Variants in ROBO2 observed in about 807,000 individuals in gnomAD.
The protein encoded by ROBO2 is roundabout homolog 2.
A neutral mutation model predicts 160.8 loss-of-function variants in ROBO2; 53 were observed. That is an observed-to-expected ratio of 0.33 (90% confidence interval 0.26 to 0.41). The LOEUF is 0.41. Ranked by LOEUF, ROBO2 falls within the 10% of genes least tolerant of loss-of-function variation. The probability of loss-of-function intolerance (pLI) is 1.00; values close to 1 mark genes in which losing one functional copy is unlikely to be tolerated. For missense variants in ROBO2, 1,577 were observed against 1,722.4 expected, an observed-to-expected ratio of 0.92 and a Z score of 1.49; for synonymous variants, 664 against 611.7, an observed-to-expected ratio of 1.09 and a Z score of -1.26.
chr3:76,195,947 A>G (rs150205017), intron 2 of ROBO2, among the ~76,000 whole-genome samples: 260 of 152,254 alleles, frequency 1.7e-3, no homozygotes, highest in African/African-American at 6.2e-3. Context: ...GGACTTCATG[A>G]TGGGGACCTA....
chr3:77,150,373 A>C (rs1443001802), intron 2 of ROBO2, among the ~76,000 whole-genome samples: 3 of 152,224 alleles, frequency 2.0e-5, no homozygotes, highest in Non-Finnish European at 2.9e-5. Context: ...ACAAAAGAAA[A>C]ATTCTTTATA....
intron 2 of ROBO2, among the ~76,000 whole-genome samples, chr3:76,405,618 A>T (rs982170704): frequency 6.6e-6 from 1 of 151,720 alleles, no homozygotes; most frequent in African/African-American, 2.4e-5. Flanking sequence ...ACTTATAGGT[A>T]TCCAAAATTA....
intron 2 of ROBO2, among the ~76,000 whole-genome samples, chr3:76,915,805 C>T (rs1387341448): frequency 1.3e-5 from 2 of 151,982 alleles, no homozygotes; most frequent in East Asian, 3.9e-4. Flanking sequence ...ACAAAAATAT[C>T]ACAAACCAGG....
intron 2 of ROBO2, among the ~76,000 whole-genome samples, chr3:77,382,453 T>A (rs1167082657): frequency 6.6e-6 from 1 of 152,080 alleles, no homozygotes; most frequent in Non-Finnish European, 1.5e-5. Flanking sequence ...GTACAAGTTG[T>A]TTTTGGTTAA....
chr3:76,252,490 A>G (rs998982489), intron 2 of ROBO2, among the ~76,000 whole-genome samples: 16 of 152,174 alleles, frequency 1.1e-4, no homozygotes, highest in Non-Finnish European at 2.2e-4. Context: ...TAGTTGATCA[A>G]TGCTAGTTGC....
chr3:76,369,551 T>C (rs543209987), intron 2 of ROBO2, among the ~76,000 whole-genome samples: 16 of 152,088 alleles, frequency 1.1e-4, no homozygotes, highest in African/African-American at 3.9e-4. Flanking sequence ...AAATGCCAGC[T>C]ATATATCTCT....
At chr3:76,011,288 G>A (rs1462224680) in intron 2 of ROBO2, among the ~76,000 whole-genome samples, 1 of 152,098 alleles carries the variant, frequency 6.6e-6, no homozygotes, top group African/African-American at 2.4e-5. Flanking sequence ...TAACAACCCC[G>A]CCATTGTTGA....
At chr3:77,031,038 T>C (rs1292979364) in intron 2 of ROBO2, among the ~76,000 whole-genome samples, 1 of 152,202 alleles carries the variant, frequency 6.6e-6, no homozygotes, top group Non-Finnish European at 1.5e-5. Flanking sequence ...TAGGTACAGC[T>C]GGTAACAAAT....
At chr3:76,044,844 A>T (rs28550059) in intron 2 of ROBO2, among the ~76,000 whole-genome samples, 20,829 of 151,912 alleles carry the variant, frequency 0.14, 1,616 homozygotes, top group African/African-American at 0.15. Context: ...GTCTCTGAGG[A>T]AACTGCATTT....
At chr3:77,226,752 G>A (rs914226342) in intron 2 of ROBO2, among the ~76,000 whole-genome samples, 1 of 151,930 alleles carries the variant, frequency 6.6e-6, no homozygotes, top group Non-Finnish European at 1.5e-5. Context: ...CCTGCAGTTG[G>A]GCAAAATCAT....
chr3:76,683,952 T>C (rs1354652054), intron 2 of ROBO2, among the ~76,000 whole-genome samples: 2 of 152,106 alleles, frequency 1.3e-5, no homozygotes, highest in African/African-American at 4.8e-5. Context: ...TAAATTTTAT[T>C]AAATTTCAGT....
chr3:75,954,333 C>G (rs571988147), intron 2 of ROBO2, among the ~76,000 whole-genome samples: 5 of 151,936 alleles, frequency 3.3e-5, no homozygotes, highest in Non-Finnish European at 7.4e-5. Context: ...TACCTCCAGC[C>G]AAGGGTGGGA....
chr3:76,861,271 GA>G (rs2070750435), intron 2 of ROBO2, among the ~76,000 whole-genome samples: 1 of 152,150 alleles, frequency 6.6e-6, no homozygotes, highest in African/African-American at 2.4e-5. Context: ...CCTTTGAAAT[GA>G]AAATAATAGT....
intron 2 of ROBO2, among the ~76,000 whole-genome samples, chr3:77,388,073 T>C (rs1240909759): frequency 6.6e-6 from 1 of 152,088 alleles, no homozygotes; most frequent in African/African-American, 2.4e-5. Flanking sequence ...CAGATATTTG[T>C]AGCAAATTTA....
At chr3:77,346,870 T>TAGAAA in intron 2 of ROBO2, among the ~76,000 whole-genome samples, 1 of 152,318 alleles carries the variant, frequency 6.6e-6, no homozygotes, top group South Asian at 2.1e-4. Flanking sequence ...CCTTTCTCCC[T>TAGAAA]TCTGGCAGAG....
intron 2 of ROBO2, among the ~76,000 whole-genome samples, chr3:76,797,110 G>A (rs542357002): frequency 1.3e-5 from 2 of 152,196 alleles, no homozygotes; most frequent in African/African-American, 4.8e-5. Context: ...TAACAGATAT[G>A]TACGGAACAT....
chr3:77,255,797 A>C (rs1010706184), intron 2 of ROBO2, among the ~76,000 whole-genome samples: 1 of 152,232 alleles, frequency 6.6e-6, no homozygotes, highest in African/African-American at 2.4e-5. Context: ...CATCTAGAAA[A>C]AATTTTAATC....
rs190400225 is a variant in ROBO2 at position 77,559,034 on chromosome 3, G to A, written c.1437+885G>A. 3.4e-3 allele frequency among the ~76,000 whole-genome samples: 523 copies of A among 152,110 alleles called. 3 individuals carry two copies. Among genetic ancestry groups the A allele is most frequent in the Middle Eastern group, 0.027 (8 of 294 alleles). On this transcript the variant is annotated intron_variant, in intron 9 of 25. Transcript: ENST00000461745. ...TCTTGGTAGCACTCAGTTCCTTGTG[G>A]CTACTGGACTAACAACCTCACCTTA...
intron 2 of ROBO2, among the ~76,000 whole-genome samples, chr3:77,385,488 G>A (rs2074005042): frequency 6.6e-6 from 1 of 152,126 alleles, no homozygotes; most frequent in Non-Finnish European, 1.5e-5. Flanking sequence ...TTTTTGTGTG[G>A]TAGTGTATAG....
Sources: gnomAD v4.1 joint callset for allele counts (sites outside exome capture counted in the v4.1 genomes callset) on GRCh38, gnomAD v4.1.1 for gene constraint, MANE v1.5 for transcripts, NCBI Gene and HGNC (gene_info 2026-07-23, HGNC 2026-07-21) for gene names.